The following TMEFF1 variants were observed in gnomAD, a reference collection of about 807,000 sequenced individuals.
TMEFF1 encodes transmembrane protein with EGF like and two follistatin like domains 1, also known as tomoregulin-1.
In TMEFF1, 20 loss-of-function variants were observed where a neutral mutation model predicts 47.5. The observed-to-expected ratio is 0.42, with a 90% CI of 0.30 to 0.61. TMEFF1 has a LOEUF of 0.61. Ranked by LOEUF, TMEFF1 falls within the 20% of genes least tolerant of loss-of-function variation. TMEFF1 has a pLI of 0.19. For missense variants in TMEFF1, 411 were observed against 471.1 expected (o/e 0.87, Z 1.18); for synonymous variants, 162 against 166.3 (o/e 0.97, Z 0.20).
intron 8 of TMEFF1, among the ~76,000 whole-genome samples, chr9:100,571,656 G>T (rs566056887): frequency 3.3e-5 from 5 of 152,016 alleles, no homozygotes; most frequent in Admixed American, 6.6e-5. Context: ...TGGGGGTGGG[G>T]GTGATGGTTT....
At position 100,510,593 on chromosome 9, in the gene TMEFF1, C is replaced by A. The variant is rs988256028; in HGVS notation, c.436+1459C>A. On this transcript the variant is annotated intron_variant, in intron 3 of 9. Transcript: ENST00000374879. ...CAAGGGATCCTCCCACCTCCGTCTCCTGAGTAGCTGGGACTACAGACACAT... is the reference window on the plus strand; with the variant it reads ...CAAGGGATCCTCCCACCTCCGTCTCATGAGTAGCTGGGACTACAGACACAT... 1.3e-4 allele frequency among the ~76,000 whole-genome samples: 20 copies of A among 152,150 alleles called. 1 individual carries two copies. Among genetic ancestry groups the A allele is most frequent in the African/African-American group, 3.9e-4 (16 of 41,434 alleles).
intron 3 of TMEFF1, among the ~76,000 whole-genome samples, chr9:100,510,626 TG>T (rs1248376897): frequency 6.6e-6 from 1 of 152,028 alleles, no homozygotes; most frequent in African/African-American, 2.4e-5. Context: ...CATGCCAACA[TG>T]CCAGGTTCAT....
At chr9:100,559,023 A>G (rs2118540242) in intron 7 of TMEFF1, among the ~76,000 whole-genome samples, 1 of 152,320 alleles carries the variant, frequency 6.6e-6, no homozygotes, top group Non-Finnish European at 1.5e-5. Context: ...ATTCAAACCT[A>G]GGCAGTCTGG....
intron 1 of TMEFF1, among the ~76,000 whole-genome samples, chr9:100,477,814 AT>A (rs1564260427): frequency 6.6e-6 from 1 of 151,704 alleles, no homozygotes; most frequent in Non-Finnish European, 1.5e-5. Context: ...TTTAGTAGAT[AT>A]GGGGTTTCAC....
At chr9:100,519,364 C>T (rs575355135) in intron 5 of TMEFF1, among the ~76,000 whole-genome samples, 13 of 152,040 alleles carry the variant, frequency 8.6e-5, no homozygotes, top group Non-Finnish European at 1.2e-4. Context: ...GCCAAGATTG[C>T]GCCACTGTAC....
chr9:100,512,410 A>G (rs1478832714), intron 3 of TMEFF1, among the ~76,000 whole-genome samples: 1 of 152,154 alleles, frequency 6.6e-6, no homozygotes, highest in East Asian at 1.9e-4. Context: ...GAAGGGAACA[A>G]TATTGTTCTG....
intron 8 of TMEFF1, among the ~76,000 whole-genome samples, chr9:100,562,214 T>TAGCTGTCTATAGACAAGGGGACA (rs1323096350): frequency 6.6e-6 from 1 of 152,134 alleles, no homozygotes; most frequent in East Asian, 1.9e-4. Context: ...ATTGCTGTCA[T>TAGCTGTCTATAGACAAGGGGACA]TTTGCTCACC....
At chr9:100,503,596 G>A (rs1837806501) in intron 2 of TMEFF1, among the ~76,000 whole-genome samples, 2 of 151,336 alleles carry the variant, frequency 1.3e-5, no homozygotes, top group Admixed American at 1.3e-4. Context: ...GAGCGAGCGA[G>A]CAATAAGGAA....
intron 5 of TMEFF1, among the ~76,000 whole-genome samples, chr9:100,531,339 G>T (rs556926141): frequency 6.6e-6 from 1 of 152,224 alleles, no homozygotes; most frequent in Admixed American, 6.5e-5. Flanking sequence ...TAGAAAACCC[G>T]ACTGTCTCAG....
chr9:100,485,624 T>G (rs1837432923), intron 1 of TMEFF1, among the ~76,000 whole-genome samples: 1 of 152,212 alleles, frequency 6.6e-6, no homozygotes, highest in Admixed American at 6.5e-5. Flanking sequence ...ATTCTCAATT[T>G]CTTTTAAGCT....
intron 5 of TMEFF1, among the ~76,000 whole-genome samples, chr9:100,529,081 C>T (rs2118436975): frequency 6.7e-6 from 1 of 149,998 alleles, no homozygotes; most frequent in African/African-American, 2.4e-5. Context: ...TAAAAGAGCT[C>T]CTGAAGGAAG....
intron 5 of TMEFF1, among the ~76,000 whole-genome samples, chr9:100,544,439 G>A (rs2118499387): frequency 6.6e-6 from 1 of 152,288 alleles, no homozygotes; most frequent in South Asian, 2.1e-4. Context: ...ATCAGATCTT[G>A]TGAGACTCAT....
At chr9:100,494,041 G>A (rs548081310) in intron 1 of TMEFF1, among the ~76,000 whole-genome samples, 2 of 151,938 alleles carry the variant, frequency 1.3e-5, no homozygotes, top group Non-Finnish European at 1.5e-5. Context: ...AATTAGCTGG[G>A]CATGGTGGTC....
intron 1 of TMEFF1, among the ~76,000 whole-genome samples, chr9:100,490,700 GTT>G (rs11313000): frequency 1.5e-3 from 221 of 147,040 alleles, no homozygotes; most frequent in African/African-American, 4.1e-3. Context: ...TCACATTGAG[GTT>G]TTTTTTTTTT....
At chr9:100,504,961 G>T (rs1243492565) in intron 2 of TMEFF1, among the ~76,000 whole-genome samples, 3 of 151,986 alleles carry the variant, frequency 2.0e-5, no homozygotes, top group Non-Finnish European at 4.4e-5. Flanking sequence ...CATGATTAAA[G>T]AAATGAATTT....
At chr9:100,474,258 T>G (rs1442289805) in intron 1 of TMEFF1, among the ~76,000 whole-genome samples, 9 of 131,078 alleles carry the variant, frequency 6.9e-5, no homozygotes, top group South Asian at 2.5e-4. Context: ...GTCTCGGGGG[T>G]GGGGGTCGTG....
At chr9:100,540,879 AT>A (rs1210354415) in intron 5 of TMEFF1, among the ~76,000 whole-genome samples, 1 of 151,818 alleles carries the variant, frequency 6.6e-6, no homozygotes, top group Non-Finnish European at 1.5e-5. Flanking sequence ...TTTTATTTCT[AT>A]TTTTTTGCTC....
At chr9:100,476,741 G>A (rs1209293780) in intron 1 of TMEFF1, among the ~76,000 whole-genome samples, 1 of 139,692 alleles carries the variant, frequency 7.2e-6, no homozygotes, top group East Asian at 2.1e-4. Flanking sequence ...CTGTCACCCA[G>A]GCTGGAGTGC....
intron 8 of TMEFF1, among the ~76,000 whole-genome samples, chr9:100,563,069 G>A (rs1182142872): frequency 1.3e-5 from 2 of 152,150 alleles, no homozygotes; most frequent in African/African-American, 2.4e-5. Flanking sequence ...GCCCGCCTTG[G>A]CCTCCCAAAG....
Sources: allele counts gnomAD v4.1 joint callset (sites outside exome capture counted in the v4.1 genomes callset), GRCh38; gene constraint gnomAD v4.1.1; transcripts MANE v1.5; gene names NCBI Gene and HGNC (gene_info 2026-07-23, HGNC 2026-07-21).